Variants in PATJ observed in about 807,000 individuals in gnomAD.
The protein encoded by PATJ is inaD-like protein.
Under a neutral mutation model 224.9 loss-of-function variants are expected in PATJ, and 190 were observed. That is an observed-to-expected ratio of 0.84 (90% CI 0.75 to 0.95). PATJ has a LOEUF of 0.95. PATJ is among the 40% of genes least tolerant of loss of function. The pLI is 0.00. For synonymous variants in PATJ, 769 were observed against 820.3 expected, an observed-to-expected ratio of 0.94 and a Z score of 1.07; for missense variants, 2,121 against 2,270.3, an observed-to-expected ratio of 0.93 and a Z score of 1.34.
intron 21 of PATJ, 39 bp from the exon 22 acceptor site, chr1:61,884,198 T>A: frequency 6.6e-7 from 1 of 1,514,782 alleles, no homozygotes; most frequent in Non-Finnish European, 8.9e-7. Context: ...GGAGAATGAG[T>A]GCCTCTTGTG....
intron 15 of PATJ, 56 bp from the exon 16 acceptor site, chr1:61,827,366 T>A (rs1283210059): frequency 7.0e-6 from 10 of 1,432,568 alleles, no homozygotes; most frequent in Non-Finnish European, 9.3e-6. Context: ...AATAAGAGAT[T>A]TTTGTTTTTT....
At chr1:62,082,431 A>G (rs1398219070) in intron 32 of PATJ, among the ~76,000 whole-genome samples, 1 of 152,196 alleles carries the variant, frequency 6.6e-6, no homozygotes, top group East Asian at 1.9e-4. Context: ...ATTCCTGCTT[A>G]GGAACTCAAC....
chr1:61,898,711 G>A (rs1164211595), intron 22 of PATJ, among the ~76,000 whole-genome samples: 1 of 152,170 alleles, frequency 6.6e-6, no homozygotes, highest in Non-Finnish European at 1.5e-5. Flanking sequence ...ATAATACACG[G>A]CACTGTCTAT....
chr1:61,827,909 G>A (rs1658558209), intron 16 of PATJ, among the ~76,000 whole-genome samples: 1 of 152,102 alleles, frequency 6.6e-6, no homozygotes, highest in African/African-American at 2.4e-5. Context: ...AGGTGTTTGC[G>A]AGTGTTGCAT....
At chr1:62,125,254 C>CAAAAAAAAAAAAAAAAAAAAA (rs779305398) in intron 39 of PATJ, among the ~76,000 whole-genome samples, 2 of 71,418 alleles carry the variant, frequency 2.8e-5, no homozygotes, top group African/African-American at 1.2e-4. Context: ...AAAAAAAAAA[C>CAAAAAAAAAAAAAAAAAAAAA]AAAAAAAAAC....
intron 16 of PATJ, among the ~76,000 whole-genome samples, chr1:61,831,575 A>G (rs1434474204): frequency 2.0e-5 from 3 of 152,216 alleles, no homozygotes; most frequent in Non-Finnish European, 4.4e-5. Flanking sequence ...CACCATATGA[A>G]AAAATGCTTA....
At position 62,148,279 on chromosome 1, in the gene PATJ, C is replaced by G. The variant is rs202048502; in HGVS notation, c.5272-5C>G. 1.0e-4 allele frequency: 165 copies of G among 1,605,502 alleles called. No homozygotes were observed. The African/African-American group carries it at 2.0e-3, about 20-fold the overall frequency. ...TGAAATACCTTTTTTTCACTTTTTC[C>G]CCAGGTTGTAGCAGATACCAATATA... On this transcript the variant is annotated splice_polypyrimidine_tract_variant and splice_region_variant and intron_variant, in intron 41 of 43. Coordinates refer to ENST00000642238, the MANE Select transcript of PATJ (RefSeq NM_001350145.3).
chr1:61,757,080 C>CTTTTTTTTT (rs55788991), intron 1 of PATJ, among the ~76,000 whole-genome samples: 11 of 129,180 alleles, frequency 8.5e-5, no homozygotes, highest in Admixed American at 2.5e-4. Flanking sequence ...GTCACTTTTA[C>CTTTTTTTTT]TTTTTTTTTT....
At chr1:61,749,063 A>G (rs1307624522) in intron 1 of PATJ, among the ~76,000 whole-genome samples, 1 of 149,720 alleles carries the variant, frequency 6.7e-6, no homozygotes, top group East Asian at 2.0e-4. Flanking sequence ...TGCAACCTCC[A>G]TCTCCTGGGT....
intron 7 of PATJ, among the ~76,000 whole-genome samples, chr1:61,785,487 G>T (rs564446401): frequency 6.6e-6 from 1 of 152,254 alleles, no homozygotes; most frequent in South Asian, 2.1e-4. Context: ...TGTGACCTTG[G>T]TCAAGTCAGT....
intron 33 of PATJ, among the ~76,000 whole-genome samples, chr1:62,107,553 A>G (rs1663252153): frequency 6.6e-6 from 1 of 152,156 alleles, no homozygotes; most frequent in Non-Finnish European, 1.5e-5. Context: ...TCATCAAAAT[A>G]TATAAATATT....
At chr1:62,116,398 TGAAA>T (rs1664444541) in intron 35 of PATJ, 130 bp from the exon 36 acceptor site, 2 of 1,028,736 alleles carry the variant, frequency 1.9e-6, no homozygotes, top group Admixed American at 3.1e-5. Flanking sequence ...TACCAAGGTA[TGAAA>T]GAAACAAAAA....
At chr1:61,871,458 T>TAC (rs1666479312) in intron 20 of PATJ, among the ~76,000 whole-genome samples, 8 of 14,964 alleles carry the variant, frequency 5.3e-4, no homozygotes, top group Admixed American at 1.1e-3. Context: ...TATATATGCG[T>TAC]ATATATATGT....
chr1:61,812,396 A>T lies in PATJ; in HGVS notation c.1683+3866A>T, dbSNP rs879458341. On this transcript the variant is annotated intron_variant, in intron 14 of 43. Coordinates refer to ENST00000642238, the MANE Select transcript of PATJ (RefSeq NM_001350145.3). ...AGAGAGAGAGAGAGAGAGAGAGAGA[A>T]TGTGAGTGACTGAGAGAGAGAGAGA... Among the ~76,000 whole-genome samples, 157 of 35,488 alleles carry T rather than the reference A, an allele frequency of 4.4e-3. 1 individual carries two copies. The highest frequency in any genetic ancestry group is 0.013 in the Middle Eastern group (1 of 76). 23.3% of individuals were successfully genotyped at this position (35,488 alleles called of 152,430 possible).
At chr1:62,069,984 C>CT (rs1413643961) in intron 31 of PATJ, among the ~76,000 whole-genome samples, 5 of 152,132 alleles carry the variant, frequency 3.3e-5, no homozygotes, top group Non-Finnish European at 7.4e-5. Flanking sequence ...AGTGCCATTT[C>CT]TTTTTTCTAA....
chr1:62,045,189 C>G (rs1336189385), intron 30 of PATJ, among the ~76,000 whole-genome samples: 1 of 151,510 alleles, frequency 6.6e-6, no homozygotes, highest in African/African-American at 2.4e-5. Context: ...CCATTGCACT[C>G]CAGCCTGGGC....
intron 26 of PATJ, among the ~76,000 whole-genome samples, chr1:61,923,874 A>C (rs2149270928): frequency 6.7e-6 from 1 of 149,776 alleles, no homozygotes; most frequent in Middle Eastern, 3.5e-3. Context: ...GTGAGCTGAG[A>C]TCTCGCCATT....
intron 26 of PATJ, among the ~76,000 whole-genome samples, chr1:61,923,446 G>A (rs989800996): frequency 2.6e-5 from 4 of 152,172 alleles, no homozygotes; most frequent in Non-Finnish European, 5.9e-5. Context: ...TAGGAGGCCA[G>A]GAGACTAATC....
intron 42 of PATJ, among the ~76,000 whole-genome samples, chr1:62,149,659 C>A (rs1668426767): frequency 6.6e-6 from 1 of 151,232 alleles, no homozygotes; most frequent in African/African-American, 2.4e-5. Flanking sequence ...GTACCTTTAG[C>A]ATCCTTTGAT....
Sources: allele counts gnomAD v4.1 joint callset (sites outside exome capture counted in the v4.1 genomes callset), GRCh38; gene constraint gnomAD v4.1.1; transcripts MANE v1.5; gene names NCBI Gene and HGNC (gene_info 2026-07-23, HGNC 2026-07-21).